Variants in SPATS2 observed in about 807,000 individuals in gnomAD.
SPATS2 encodes the protein spermatogenesis-associated serine-rich protein 2.
In SPATS2, 38 loss-of-function variants were observed where a neutral mutation model predicts 63.7. The observed-to-expected ratio is 0.60, with a 90% CI of 0.46 to 0.78. The LOEUF (loss-of-function observed/expected upper bound fraction) is 0.78, where lower values mean the gene tolerates loss of function less well. Ranked by LOEUF, SPATS2 falls within the 30% of genes least tolerant of loss-of-function variation. The pLI, the probability that SPATS2 is intolerant of heterozygous loss-of-function variation, is 0.00. For synonymous variants in SPATS2, 207 were observed against 232.9 expected, an observed-to-expected ratio of 0.89 and a Z score of 1.01; for missense variants, 588 against 666.2, an observed-to-expected ratio of 0.88 and a Z score of 1.29.
chr12:49,381,919 G>T (rs1944229975), intron 2 of SPATS2, among the ~76,000 whole-genome samples: 1 of 152,132 alleles, frequency 6.6e-6, no homozygotes, highest in Non-Finnish European at 1.5e-5. Flanking sequence ...ATCGTGATTT[G>T]GAGTGAGACA....
At chr12:49,399,311 A>G (rs945828309) in intron 2 of SPATS2, among the ~76,000 whole-genome samples, 3 of 152,074 alleles carry the variant, frequency 2.0e-5, no homozygotes, top group African/African-American at 7.2e-5. Context: ...TTTTTTAGTT[A>G]ATATTTTTAT....
intron 3 of SPATS2, among the ~76,000 whole-genome samples, chr12:49,468,114 T>G (rs1945958944): frequency 6.6e-6 from 1 of 151,690 alleles, no homozygotes; most frequent in African/African-American, 2.4e-5. Context: ...TCTTTTTCTC[T>G]TTCTTTCTTC....
intron 2 of SPATS2, among the ~76,000 whole-genome samples, chr12:49,435,638 CTTTTTT>C (rs34420984): frequency 5.9e-4 from 57 of 96,056 alleles, no homozygotes; most frequent in South Asian, 1.2e-3. Flanking sequence ...TGAATGGTTT[CTTTTTT>C]TTTTTTTTTT....
chr12:49,388,167 AT>A (rs1227450707), intron 2 of SPATS2, among the ~76,000 whole-genome samples: 6 of 152,070 alleles, frequency 3.9e-5, no homozygotes, highest in African/African-American at 1.4e-4. Flanking sequence ...TGTGTAGCAC[AT>A]TTTTTTAAAC....
chr12:49,386,352 C>T (rs1565696394), intron 2 of SPATS2, among the ~76,000 whole-genome samples: 2 of 151,512 alleles, frequency 1.3e-5, no homozygotes, highest in East Asian at 3.9e-4. Context: ...TTAGTAGAGA[C>T]GGGGTTTCAC....
intron 2 of SPATS2, among the ~76,000 whole-genome samples, chr12:49,422,123 C>T (rs1944994475): frequency 6.6e-6 from 1 of 152,130 alleles, no homozygotes; most frequent in South Asian, 2.1e-4. Flanking sequence ...GCTTTATGAT[C>T]TTTTTATTCA....
intron 3 of SPATS2, among the ~76,000 whole-genome samples, chr12:49,472,811 G>A (rs747279441): frequency 1.4e-5 from 2 of 146,238 alleles, no homozygotes; most frequent in African/African-American, 2.5e-5. Context: ...AGGCTGAGGT[G>A]GTCGGATCCC....
At chr12:49,379,435 C>T (rs1049446260) in intron 2 of SPATS2, among the ~76,000 whole-genome samples, 3 of 146,180 alleles carry the variant, frequency 2.1e-5, no homozygotes, top group Non-Finnish European at 4.5e-5. Context: ...CCTGTAGTCC[C>T]AGCTACTCAG....
chr12:49,470,938 T>A (rs2137751001), intron 3 of SPATS2, among the ~76,000 whole-genome samples: 1 of 152,358 alleles, frequency 6.6e-6, no homozygotes, highest in African/African-American at 2.4e-5. Flanking sequence ...CATCCTCTTT[T>A]TTAAAAACTT....
intron 5 of SPATS2, chr12:49,490,394 T>A: frequency 2.9e-6 from 1 of 348,442 alleles, no homozygotes; most frequent in Non-Finnish European, 5.2e-6. Flanking sequence ...TGGTCTAAGA[T>A]GTATGGATAA....
At chr12:49,406,319 C>G (rs1355322914) in intron 2 of SPATS2, among the ~76,000 whole-genome samples, 1 of 149,064 alleles carries the variant, frequency 6.7e-6, no homozygotes, top group Non-Finnish European at 1.5e-5. Context: ...GTCTCTTGCT[C>G]TGTTACCTAG....
intron 2 of SPATS2, among the ~76,000 whole-genome samples, chr12:49,432,376 G>T (rs1440042395): frequency 3.9e-5 from 6 of 152,216 alleles, no homozygotes; most frequent in Non-Finnish European, 5.9e-5. Context: ...GGACGCTGAG[G>T]CAGAAGAGTC....
intron 2 of SPATS2, among the ~76,000 whole-genome samples, chr12:49,375,616 T>C (rs919124017): frequency 5.3e-5 from 8 of 152,310 alleles, no homozygotes; most frequent in Admixed American, 3.9e-4. Flanking sequence ...TACATTTTTA[T>C]AGTAAATTGC....
chr12:49,506,396 G>T (rs564349687), intron 9 of SPATS2, among the ~76,000 whole-genome samples: 108 of 152,298 alleles, frequency 7.1e-4, no homozygotes, highest in Admixed American at 1.3e-3. Context: ...GAGGAGCAAA[G>T]TCACATCTTA....
intron 4 of SPATS2, among the ~76,000 whole-genome samples, chr12:49,488,912 C>A (rs61941167): frequency 5.9e-5 from 9 of 152,220 alleles, no homozygotes; most frequent in Non-Finnish European, 5.9e-5. Context: ...ATTAGGTGTT[C>A]ATGGGGGCTT....
chr12:49,459,713 T>C (rs1455963856), intron 2 of SPATS2, among the ~76,000 whole-genome samples: 2 of 145,998 alleles, frequency 1.4e-5, no homozygotes, highest in Non-Finnish European at 3.0e-5. Context: ...TTTGGGTTTG[T>C]ACAGTGAGTG....
At chr12:49,374,210 G>C (rs572161290) in intron 2 of SPATS2, among the ~76,000 whole-genome samples, 5 of 151,856 alleles carry the variant, frequency 3.3e-5, no homozygotes, top group Non-Finnish European at 7.4e-5. Context: ...AGTTCACTGC[G>C]TCCTTGAACT....
chr12:49,389,792 A>T, intron 2 of SPATS2: 1 of 1,138,252 alleles, frequency 8.8e-7, no homozygotes, highest in Non-Finnish European at 1.3e-6. Flanking sequence ...CCCTGGAAGA[A>T]CATCAGTCGG....
At chr12:49,488,236 C>A (rs903100926) in intron 4 of SPATS2, among the ~76,000 whole-genome samples, 1 of 151,654 alleles carries the variant, frequency 6.6e-6, no homozygotes, top group African/African-American at 2.4e-5. Context: ...GTAGAGACGG[C>A]GTTTTTCCAT....
Sources: gnomAD v4.1 joint callset for allele counts (sites outside exome capture counted in the v4.1 genomes callset) on GRCh38, gnomAD v4.1.1 for gene constraint, MANE v1.5 for transcripts, NCBI Gene and HGNC (gene_info 2026-07-23, HGNC 2026-07-21) for gene names.